The following GPR39 variants were observed in gnomAD, a reference collection of about 807,000 sequenced individuals.
GPR39 encodes the protein G protein-coupled receptor 39.
GPR39 carries 23 observed loss-of-function variants against 18.4 expected under a neutral mutation model. The ratio of observed to expected loss-of-function variants is 1.25; its 90% confidence interval spans 0.90 to 1.77. The LOEUF is 1.77. Ranked by LOEUF, GPR39 falls within the 40% of genes most tolerant of loss-of-function variation. The pLI, the probability that GPR39 is intolerant of heterozygous loss-of-function variation, is 0.00. For synonymous variants in GPR39, 280 were observed against 257.9 expected (o/e 1.09, Z -0.82); for missense variants, 647 against 602.4 (o/e 1.07, Z -0.78).
chr2:132,567,927 C>A (rs1405149805), intron 1 of GPR39, among the ~76,000 whole-genome samples: 2 of 151,960 alleles, frequency 1.3e-5, no homozygotes, highest in South Asian at 4.1e-4. Flanking sequence ...GTGAGACATG[C>A]CTTTCACCTT....
chr2:132,591,353 G>A (rs1680840695), intron 1 of GPR39, among the ~76,000 whole-genome samples: 1 of 150,620 alleles, frequency 6.6e-6, no homozygotes, highest in Non-Finnish European at 1.5e-5. Flanking sequence ...CATGCTGGAT[G>A]CTTCCTGCCC....
At chr2:132,450,496 C>A (rs1680613220) in intron 1 of GPR39, among the ~76,000 whole-genome samples, 1 of 152,264 alleles carries the variant, frequency 6.6e-6, no homozygotes, top group South Asian at 2.1e-4. Flanking sequence ...GTTACCTACA[C>A]CTGGGATTCG....
At position 132,612,626 on chromosome 2, in the gene GPR39, A is replaced by G. The variant is rs544630793; in HGVS notation, c.857-32475A>G. On this transcript the variant is annotated intron_variant, in intron 1 of 1. Coordinates refer to ENST00000329321, the MANE Select transcript of GPR39 (RefSeq NM_001508.3). ...TCTTCACCTATGGTTCTAAAGTGTC[A>G]CTGTGCCATAAATCAGGTGACCTTA... Among the ~76,000 whole-genome samples, 4 of 152,340 alleles carry G rather than the reference A, an allele frequency of 2.6e-5. No homozygotes were observed. In the East Asian group the frequency reaches 5.8e-4, roughly 22 times the overall value.
rs141468975 is a variant in GPR39, at chr2:132,458,431, C to CCTCT, written c.856+40549_856+40552dup. ...CATGAGCTCATATATATCTACTTTA[C>CCTCT]CTCTCTCTCTCTCTCTCTCGGTGTG... On this transcript the variant is annotated intron_variant, in intron 1 of 1. Transcript: ENST00000329321. Among the ~76,000 whole-genome samples the CCTCT allele has an allele frequency of 1.1e-4, 11 of 103,666 alleles. 1 individual carries two copies. Among genetic ancestry groups the CCTCT allele is most frequent in the Admixed American group, 2.1e-4 (2 of 9,606 alleles). 68.0% of individuals were successfully genotyped at this position (103,666 alleles called of 152,430 possible). A position where few individuals can be genotyped will look rare whatever the true frequency, so the allele number is the denominator to read the frequency against.
intron 1 of GPR39, among the ~76,000 whole-genome samples, chr2:132,588,761 C>T (rs1162486419): frequency 6.6e-6 from 1 of 152,190 alleles, no homozygotes; most frequent in Non-Finnish European, 1.5e-5. Context: ...TCACCACTAT[C>T]ACATGCTATT....
intron 1 of GPR39, among the ~76,000 whole-genome samples, chr2:132,418,179 T>C (rs1055199737): frequency 6.6e-6 from 1 of 152,160 alleles, no homozygotes; most frequent in Admixed American, 6.5e-5. Flanking sequence ...CTGTGACCTT[T>C]GGGAAGTCAC....
At chr2:132,438,240 T>C (rs1435509476) in intron 1 of GPR39, among the ~76,000 whole-genome samples, 3 of 152,230 alleles carry the variant, frequency 2.0e-5, no homozygotes, top group Non-Finnish European at 4.4e-5. Flanking sequence ...AATTAGGTCA[T>C]AGCTCTGACT....
chr2:132,633,772 A>G (rs900365059), intron 1 of GPR39, among the ~76,000 whole-genome samples: 1 of 152,046 alleles, frequency 6.6e-6, no homozygotes, highest in Non-Finnish European at 1.5e-5. Flanking sequence ...TGACAGAGAC[A>G]GAGGTGGAAG....
chr2:132,570,623 A>G (rs1388756956), intron 1 of GPR39, among the ~76,000 whole-genome samples: 1 of 152,144 alleles, frequency 6.6e-6, no homozygotes, highest in African/African-American at 2.4e-5. Flanking sequence ...ACCCTTTGCC[A>G]CTAATGTCCT....
chr2:132,549,496 G>T (rs1163007788), intron 1 of GPR39, among the ~76,000 whole-genome samples: 2 of 152,238 alleles, frequency 1.3e-5, no homozygotes, highest in East Asian at 3.9e-4. Flanking sequence ...CTGTAATTAA[G>T]AGCTTCAGGA....
intron 1 of GPR39, among the ~76,000 whole-genome samples, chr2:132,586,111 A>G (rs568266026): frequency 6.6e-6 from 1 of 152,096 alleles, no homozygotes; most frequent in South Asian, 2.1e-4. Context: ...GGGCTAATGC[A>G]TATGTTAATA....
In GPR39 at chr2:132,627,997, C is replaced by T. The variant is rs184943358; in HGVS notation, c.857-17104C>T. Among the ~76,000 whole-genome samples the T allele has an allele frequency of 3.1e-3, 473 of 152,294 alleles. 2 individuals are homozygous for T. Among genetic ancestry groups the T allele is most frequent in the Middle Eastern group, 0.02 (6 of 294 alleles). ...CCCAGGTGGACGCATCCCAAAGTGG[C>T]TCAGGTGTTATATTTTGGGCTTCTG... On this transcript the variant is annotated intron_variant, in intron 1 of 1. Transcript: ENST00000329321.
intron 1 of GPR39, among the ~76,000 whole-genome samples, chr2:132,510,106 G>A (rs1267822430): frequency 1.3e-5 from 2 of 152,212 alleles, no homozygotes; most frequent in African/African-American, 4.8e-5. Flanking sequence ...TAGTGGTTGA[G>A]ATGGTTGGTC....
intron 1 of GPR39, among the ~76,000 whole-genome samples, chr2:132,477,962 T>C (rs974869773): frequency 6.6e-6 from 1 of 152,260 alleles, no homozygotes. Flanking sequence ...AGAAATTTAC[T>C]AATTTAAAAT....
At chr2:132,467,190 G>C (rs1032078016) in intron 1 of GPR39, among the ~76,000 whole-genome samples, 2 of 152,186 alleles carry the variant, frequency 1.3e-5, no homozygotes, top group Non-Finnish European at 2.9e-5. Context: ...CTACAGGCAG[G>C]TGTTGAGCAT....
intron 1 of GPR39, among the ~76,000 whole-genome samples, chr2:132,581,879 G>C (rs915576958): frequency 3.3e-5 from 5 of 152,128 alleles, no homozygotes; most frequent in Non-Finnish European, 7.3e-5. Context: ...ATAAGAATGC[G>C]TGTGGCATGA....
chr2:132,520,134 C>T (rs901574497), intron 1 of GPR39, among the ~76,000 whole-genome samples: 2 of 151,894 alleles, frequency 1.3e-5, no homozygotes, highest in Non-Finnish European at 2.9e-5. Flanking sequence ...GTAATCATTC[C>T]TTTCCTCCCC....
intron 1 of GPR39, among the ~76,000 whole-genome samples, chr2:132,470,813 A>G (rs1681017374): frequency 2.0e-5 from 3 of 152,036 alleles, no homozygotes; most frequent in Non-Finnish European, 4.4e-5. Context: ...AGGGTCTTAA[A>G]TGATGGGCCA....
chr2:132,498,921 T>A (rs1681699424), intron 1 of GPR39, among the ~76,000 whole-genome samples: 4 of 152,208 alleles, frequency 2.6e-5, no homozygotes, highest in African/African-American at 9.6e-5. Context: ...TGTTCTTTTT[T>A]TTCTTACTGA....
Sources: gnomAD v4.1 joint callset for allele counts (sites outside exome capture counted in the v4.1 genomes callset) on GRCh38, gnomAD v4.1.1 for gene constraint, MANE v1.5 for transcripts, NCBI Gene and HGNC (gene_info 2026-07-23, HGNC 2026-07-21) for gene names.